The following KCNJ15 variants were observed in gnomAD, a reference collection of about 807,000 sequenced individuals.
KCNJ15 encodes the protein potassium inwardly rectifying channel subfamily J member 15.
In KCNJ15, 14 loss-of-function variants were observed where a neutral mutation model predicts 23.0. The ratio of observed to expected loss-of-function variants is 0.61; its 90% CI spans 0.40 to 0.95. KCNJ15 has a LOEUF of 0.95. Among genes scored for constraint, KCNJ15 ranks in the 40% least tolerant of loss-of-function variants. KCNJ15 has a pLI of 0.00. For synonymous variants in KCNJ15, 185 were observed against 183.2 expected (o/e 1.01, Z -0.08); for missense variants, 388 against 461.8 (o/e 0.84, Z 1.46).
chr21:38,302,035 AACACATGCACACATGCAC>A lies in KCNJ15; in HGVS notation c.*1651_*1668del, dbSNP rs1985832604. ...ATGCACACACACATACGCACACGTAAACACATGCACACATGCACACACGCGCACACATGCACACACGCA... is the reference window on the plus strand; with the variant it reads ...ATGCACACACACATACGCACACGTAAACACGCGCACACATGCACACACGCA... On this transcript the variant is annotated 3_prime_UTR_variant, in exon 3 of 3. Coordinates refer to ENST00000398938, the MANE Select transcript of KCNJ15 (RefSeq NM_170736.3). The A allele has an allele frequency of 6.6e-6, 1 of 151,540 alleles. No individual in the cohort carries two copies. Among genetic ancestry groups the A allele is most frequent in the African/African-American group, 2.4e-5 (1 of 40,914 alleles). The allele number at this position is 151,540 out of a possible 1,614,324, so 9.4% of individuals were successfully genotyped here. A position where few individuals can be genotyped will look rare whatever the true frequency, so the allele number is the denominator to read the frequency against.
rs545990155 is a variant in KCNJ15 at position 38,275,737 on chromosome 21, G to A, written c.-117+18552G>A. On this transcript the variant is annotated intron_variant, in intron 1 of 2. Transcript: ENST00000398938. ...TCATAGGCAGCCATGGTTGAAAGTCGCTGATAATTGATAAACCCTATGGCC... is the reference window on the plus strand; with the variant it reads ...TCATAGGCAGCCATGGTTGAAAGTCACTGATAATTGATAAACCCTATGGCC... Among the ~76,000 whole-genome samples, 26 of 152,176 alleles carry A rather than the reference G, an allele frequency of 1.7e-4. No individual in the cohort carries two copies. In the East Asian group the frequency reaches 3.3e-3, roughly 19 times the overall value.
chr21:38,270,076 A>G (rs1336381079), intron 1 of KCNJ15, among the ~76,000 whole-genome samples: 2 of 151,946 alleles, frequency 1.3e-5, no homozygotes, highest in Non-Finnish European at 2.9e-5. Flanking sequence ...TCCCTTTTCT[A>G]TTAGAATCTC....
chr21:38,296,336 C>G (rs541406364), intron 1 of KCNJ15, among the ~76,000 whole-genome samples: 1 of 152,260 alleles, frequency 6.6e-6, no homozygotes, highest in African/African-American at 2.4e-5. Flanking sequence ...TCAAAAAGTA[C>G]ATGCAAAAGA....
chr21:38,259,748 G>A (rs545374546), intron 1 of KCNJ15, among the ~76,000 whole-genome samples: 4 of 152,232 alleles, frequency 2.6e-5, no homozygotes, highest in East Asian at 1.9e-4. Context: ...GGATAAGGCC[G>A]GGGAAGTCTG....
chr21:38,281,694 C>T lies in KCNJ15; in HGVS notation c.-116-15232C>T, dbSNP rs553799201. Among the ~76,000 whole-genome samples, 35 of 152,114 alleles carry T rather than the reference C, an allele frequency of 2.3e-4. 1 individual carries two copies. Among genetic ancestry groups the T allele is most frequent in the African/African-American group, 8.0e-4 (33 of 41,382 alleles). ...CATTTATGGGCACCTGGCTTGATGC[C>T]ATGTATTTGCTCTAGTGAATAGTGC... On this transcript the variant is annotated intron_variant, in intron 1 of 2. Coordinates refer to ENST00000398938, the MANE Select transcript of KCNJ15 (RefSeq NM_170736.3).
chr21:38,253,030 CAA>C (rs1466537409), upstream of KCNJ15, among the ~76,000 whole-genome samples: 2 of 152,206 alleles, frequency 1.3e-5, no homozygotes, highest in African/African-American at 2.4e-5. Flanking sequence ...TACTCTCAGT[CAA>C]AGACTGATGG....
At chr21:38,283,931 C>T (rs1000348755) in intron 1 of KCNJ15, among the ~76,000 whole-genome samples, 10 of 152,316 alleles carry the variant, frequency 6.6e-5, no homozygotes, top group Admixed American at 6.5e-4. Context: ...TCTGCCTGGT[C>T]TTAAGGCTAC....
chr21:38,237,230 G>A (rs966534520), intron 1 of KCNJ15: 1 of 152,216 alleles, frequency 6.6e-6, no homozygotes, highest in African/African-American at 2.4e-5. Flanking sequence ...AGTATGGAAA[G>A]GTTTATTGCT....
chr21:38,231,271 C>A (rs938043529), intron 1 of KCNJ15, among the ~76,000 whole-genome samples: 4 of 151,876 alleles, frequency 2.6e-5, no homozygotes, highest in African/African-American at 9.7e-5. Context: ...TATAACAATG[C>A]AATTAATTTG....
At chr21:38,255,725 T>A (rs1980161888), upstream of KCNJ15, among the ~76,000 whole-genome samples, 1 of 152,060 alleles carries the variant, frequency 6.6e-6, no homozygotes, top group Admixed American at 6.5e-5. Flanking sequence ...TGACACCCCA[T>A]CCCTTCCAGC....
chr21:38,248,069 T>G (rs2123573432), intron 1 of KCNJ15, among the ~76,000 whole-genome samples: 1 of 152,332 alleles, frequency 6.6e-6, no homozygotes, highest in East Asian at 1.9e-4. Flanking sequence ...CACTGTAAAC[T>G]TATTGCTAGT....
At chr21:38,242,456 G>T (rs1481642491) in intron 1 of KCNJ15, among the ~76,000 whole-genome samples, 2 of 152,080 alleles carry the variant, frequency 1.3e-5, no homozygotes, top group Non-Finnish European at 2.9e-5. Context: ...TACTCTTTGA[G>T]ACCCAACCAA....
At chr21:38,289,243 G>A (rs1342998268) in intron 1 of KCNJ15, among the ~76,000 whole-genome samples, 1 of 148,288 alleles carries the variant, frequency 6.7e-6, no homozygotes, top group Non-Finnish European at 1.5e-5. Context: ...TTCTCTACCA[G>A]TATTATCTGC....
At chr21:38,253,151 C>A (rs985651528), upstream of KCNJ15, among the ~76,000 whole-genome samples, 4 of 152,176 alleles carry the variant, frequency 2.6e-5, no homozygotes, top group Non-Finnish European at 5.9e-5. Flanking sequence ...TAAAATTGTA[C>A]CCTGGCTTCT....
intron 1 of KCNJ15, among the ~76,000 whole-genome samples, chr21:38,231,365 C>A (rs1006487858): frequency 2.0e-5 from 3 of 151,778 alleles, no homozygotes; most frequent in Non-Finnish European, 2.9e-5. Context: ...TTTCTACATA[C>A]CAAATTATGT....
rs188254094 is a variant in KCNJ15 at position 38,278,706 on chromosome 21, G to C, written c.-116-18220G>C. 2.6e-3 allele frequency among the ~76,000 whole-genome samples: 393 copies of C among 152,244 alleles called. 1 individual carries two copies. The highest frequency in any genetic ancestry group is 4.8e-3 in the Admixed American group (74 of 15,286). The stretch of plus-strand genomic sequence containing the variant: ...AGAACGCTGGCCAAGACAGGAGGTG[G>C]GCTTTCGGGCAGATGGCATGGCATC... On this transcript the variant is annotated intron_variant, in intron 1 of 2. Transcript: ENST00000398938.
chr21:38,277,386 T>C (rs1038747181), intron 1 of KCNJ15, among the ~76,000 whole-genome samples: 7 of 152,160 alleles, frequency 4.6e-5, no homozygotes, highest in African/African-American at 1.7e-4. Context: ...CAGGCTAATT[T>C]TGTGCACGTG....
chr21:38,290,303 G>A (rs571631500), intron 1 of KCNJ15, among the ~76,000 whole-genome samples: 2 of 152,208 alleles, frequency 1.3e-5, no homozygotes, highest in East Asian at 1.9e-4. Flanking sequence ...TAAAGAATTC[G>A]CATCGAGGAG....
chr21:38,262,588 TAC>T (rs1423869692), intron 1 of KCNJ15, among the ~76,000 whole-genome samples: 1 of 152,210 alleles, frequency 6.6e-6, no homozygotes, highest in Non-Finnish European at 1.5e-5. Context: ...AATTTTGACT[TAC>T]AGTCAAAATT....
Sources: gnomAD v4.1 joint callset for allele counts (sites outside exome capture counted in the v4.1 genomes callset) on GRCh38, gnomAD v4.1.1 for gene constraint, MANE v1.5 for transcripts, NCBI Gene and HGNC (gene_info 2026-07-23, HGNC 2026-07-21) for gene names.